KCTD16: variants seen among roughly 807,000 people sequenced by gnomAD.
KCTD16 encodes the protein BTB/POZ domain-containing protein KCTD16.
KCTD16 carries 13 observed loss-of-function variants against 33.2 expected under a neutral mutation model. The ratio of observed to expected loss-of-function variants is 0.39; its 90% CI spans 0.25 to 0.62. The LOEUF (loss-of-function observed/expected upper bound fraction) is 0.62. Ranked by LOEUF, KCTD16 falls within the 20% of genes least tolerant of loss-of-function variation. The pLI is 0.50. For synonymous variants in KCTD16, 197 were observed against 195.3 expected, an observed-to-expected ratio of 1.01 and a Z score of -0.07; for missense variants, 441 against 525.1, an observed-to-expected ratio of 0.84 and a Z score of 1.57.
intron 3 of KCTD16, among the ~76,000 whole-genome samples, chr5:144,459,709 A>T (rs1188158007): frequency 6.6e-6 from 1 of 151,982 alleles, no homozygotes; most frequent in Non-Finnish European, 1.5e-5. Flanking sequence ...AAATTAAATC[A>T]TGCAATTTCC....
chr5:144,359,877 T>C (rs1308523671), intron 3 of KCTD16, among the ~76,000 whole-genome samples: 2 of 152,052 alleles, frequency 1.3e-5, no homozygotes, highest in Non-Finnish European at 2.9e-5. Flanking sequence ...GTGCAAAGCC[T>C]TGTGTAAATG....
intron 3 of KCTD16, among the ~76,000 whole-genome samples, chr5:144,404,546 A>C (rs2126948737): frequency 6.6e-6 from 1 of 152,324 alleles, no homozygotes; most frequent in East Asian, 1.9e-4. Context: ...AGGGATACTA[A>C]AACTATGATA....
chr5:144,445,256 T>C (rs1396009941), intron 3 of KCTD16, among the ~76,000 whole-genome samples: 1 of 152,026 alleles, frequency 6.6e-6, no homozygotes, highest in Non-Finnish European at 1.5e-5. Flanking sequence ...ATTTATCCTT[T>C]TACTTATAAT....
intron 3 of KCTD16, among the ~76,000 whole-genome samples, chr5:144,468,626 A>G (rs148573374): frequency 3.1e-3 from 466 of 152,308 alleles, no homozygotes; most frequent in African/African-American, 6.7e-3. Flanking sequence ...AAAAACATCA[A>G]TTTGGCCATT....
rs182763281 is a variant in KCTD16 at position 144,220,454 on chromosome 5, A to G, written c.832+12908A>G. Among the ~76,000 whole-genome samples the G allele has an allele frequency of 2.2e-4, 33 of 152,264 alleles. 1 individual carries two copies. In the East Asian group the frequency reaches 5.0e-3, roughly 23 times the overall value. On this transcript the variant is annotated intron_variant, in intron 3 of 3. Coordinates refer to ENST00000512467, the MANE Select transcript of KCTD16 (RefSeq NM_020768.4). ...GCACCTAGTATAGTGCCTTATACAT[A>G]GTAGGAACTCAATAAGTTATTTTTC...
intron 3 of KCTD16, among the ~76,000 whole-genome samples, chr5:144,333,420 T>C (rs1353430717): frequency 2.0e-5 from 3 of 152,190 alleles, no homozygotes; most frequent in Non-Finnish European, 4.4e-5. Flanking sequence ...ACAATAATGC[T>C]GAAAAGAATC....
chr5:144,408,383 G>A (rs1282763051), intron 3 of KCTD16, among the ~76,000 whole-genome samples: 2 of 152,134 alleles, frequency 1.3e-5, no homozygotes, highest in Non-Finnish European at 2.9e-5. Flanking sequence ...CCACAGTTAC[G>A]GTTTAAGCAC....
At chr5:144,455,500 T>C (rs1031813363) in intron 3 of KCTD16, among the ~76,000 whole-genome samples, 5 of 152,208 alleles carry the variant, frequency 3.3e-5, no homozygotes, top group Admixed American at 2.6e-4. Context: ...GAAAGTTCAA[T>C]GAAGACTTGA....
At chr5:144,377,466 A>G (rs1011905330) in intron 3 of KCTD16, among the ~76,000 whole-genome samples, 1 of 152,198 alleles carries the variant, frequency 6.6e-6, no homozygotes, top group Non-Finnish European at 1.5e-5. Flanking sequence ...TGCATGTGAC[A>G]CTTATTAATT....
At chr5:144,448,467 T>C (rs1447192841) in intron 3 of KCTD16, among the ~76,000 whole-genome samples, 1 of 152,070 alleles carries the variant, frequency 6.6e-6, no homozygotes, top group Non-Finnish European at 1.5e-5. Flanking sequence ...GAAGGATAAG[T>C]TACTGACCAG....
At chr5:144,221,126 T>G (rs1201677626) in intron 3 of KCTD16, among the ~76,000 whole-genome samples, 1 of 152,158 alleles carries the variant, frequency 6.6e-6, no homozygotes, top group Non-Finnish European at 1.5e-5. Flanking sequence ...AGACACTGAG[T>G]AGCAAATAAT....
At chr5:144,399,896 C>CT (rs1752664667) in intron 3 of KCTD16, among the ~76,000 whole-genome samples, 4 of 152,098 alleles carry the variant, frequency 2.6e-5, no homozygotes, top group Admixed American at 2.6e-4. Flanking sequence ...GCTAGAACTT[C>CT]TTTTTTTGAG....
At chr5:144,219,274 C>T (rs1000034435) in intron 3 of KCTD16, among the ~76,000 whole-genome samples, 1 of 152,040 alleles carries the variant, frequency 6.6e-6, no homozygotes, top group Non-Finnish European at 1.5e-5. Flanking sequence ...AGTACAGTGG[C>T]ATGACCTTGG....
intron 2 of KCTD16, among the ~76,000 whole-genome samples, chr5:144,205,036 A>T (rs1351054435): frequency 1.3e-5 from 2 of 152,100 alleles, no homozygotes; most frequent in Admixed American, 6.5e-5. Flanking sequence ...TCAAATAAAA[A>T]GTCAGTTGTG....
chr5:144,303,068 T>A (rs1272533166), intron 3 of KCTD16, among the ~76,000 whole-genome samples: 2 of 152,244 alleles, frequency 1.3e-5, no homozygotes, highest in Non-Finnish European at 2.9e-5. Context: ...TTTGGTTGTA[T>A]AATTGACATT....
Position 144,347,049 on chromosome 5 carries a change from G to A in KCTD16, c.833-126611G>A, listed in dbSNP as rs1022321511. 4.6e-5 allele frequency among the ~76,000 whole-genome samples: 7 copies of A among 152,112 alleles called. 1 individual carries two copies. The highest frequency in any genetic ancestry group is 4.4e-5 in the Non-Finnish European group (3 of 68,000). On this transcript the variant is annotated intron_variant, in intron 3 of 3. Transcript: ENST00000512467. The stretch of plus-strand genomic sequence containing the variant: ...ATTTTTGTATATGGTGATACATAGG[G>A]GTCTAGTGTTATTCTTCCAGCAGAA...
At chr5:144,310,627 C>T (rs543982852) in intron 3 of KCTD16, among the ~76,000 whole-genome samples, 27 of 151,554 alleles carry the variant, frequency 1.8e-4, no homozygotes, top group South Asian at 8.3e-4. Flanking sequence ...TAATATTAAT[C>T]AAAAATAAAA....
rs73312757 is a variant in KCTD16, at chr5:144,288,161, C to G, written c.832+80615C>G. Among the ~76,000 whole-genome samples the G allele has an allele frequency of 4.8e-3, 730 of 152,218 alleles. 7 individuals are homozygous for G. Among genetic ancestry groups the G allele is most frequent in the African/African-American group, 0.016 (662 of 41,528 alleles). On this transcript the variant is annotated intron_variant, in intron 3 of 3. Transcript: ENST00000512467. The stretch of plus-strand genomic sequence containing the variant: ...TCCCTGGTGATCCTTTTCAAATGAT[C>G]CTTGGATCAGACCTTTACAAATGCT...
intron 3 of KCTD16, among the ~76,000 whole-genome samples, chr5:144,362,227 G>A (rs1284459153): frequency 6.6e-6 from 1 of 152,132 alleles, no homozygotes; most frequent in Admixed American, 6.6e-5. Flanking sequence ...GGGCCCAGTA[G>A]GCAAAGTTGA....
Sources: allele counts gnomAD v4.1 joint callset (sites outside exome capture counted in the v4.1 genomes callset), GRCh38; gene constraint gnomAD v4.1.1; transcripts MANE v1.5; gene names NCBI Gene and HGNC (gene_info 2026-07-23, HGNC 2026-07-21).